Variants in PPM1L observed in about 807,000 individuals in gnomAD.
PPM1L encodes protein phosphatase, Mg2+/Mn2+ dependent 1L.
PPM1L carries 13 observed loss-of-function variants against 31.4 expected under a neutral mutation model. The observed-to-expected ratio is 0.41, with a 90% CI of 0.27 to 0.66. The LOEUF (loss-of-function observed/expected upper bound fraction) is 0.66. Ranked by LOEUF, PPM1L falls within the 30% of genes least tolerant of loss-of-function variation. The pLI is 0.29. For synonymous variants in PPM1L, 184 were observed against 175.4 expected (o/e 1.05, Z -0.39); for missense variants, 326 against 453.7 (o/e 0.72, Z 2.56).
At chr3:160,777,618 C>T (rs1234111658) in intron 1 of PPM1L, among the ~76,000 whole-genome samples, 1 of 152,046 alleles carries the variant, frequency 6.6e-6, no homozygotes, top group African/African-American at 2.4e-5. Context: ...CAGTATGTGT[C>T]TTTTTTGTGA....
intron 1 of PPM1L, among the ~76,000 whole-genome samples, chr3:160,780,747 A>G (rs1469695033): frequency 6.6e-6 from 1 of 152,172 alleles, no homozygotes; most frequent in Non-Finnish European, 1.5e-5. Context: ...TTTAGACTCA[A>G]TAGTTTATGG....
At chr3:161,009,554 C>A (rs1419712011) in intron 2 of PPM1L, among the ~76,000 whole-genome samples, 1 of 152,158 alleles carries the variant, frequency 6.6e-6, no homozygotes, top group African/African-American at 2.4e-5. Flanking sequence ...CATTACTCAT[C>A]CTCAGCAATC....
intron 1 of PPM1L, among the ~76,000 whole-genome samples, chr3:160,793,889 TC>T (rs1279554358): frequency 3.9e-5 from 6 of 152,198 alleles, no homozygotes; most frequent in Admixed American, 3.9e-4. Flanking sequence ...GACAACTGAA[TC>T]CTGATTGGTT....
At chr3:160,816,122 G>A (rs1261132562) in intron 1 of PPM1L, among the ~76,000 whole-genome samples, 1 of 152,144 alleles carries the variant, frequency 6.6e-6, no homozygotes, top group Non-Finnish European at 1.5e-5. Context: ...GACAAAGGAA[G>A]GGAGAAGTTT....
At position 160,918,743 on chromosome 3, in the gene PPM1L, G is replaced by C. The variant is rs545860019; in HGVS notation, c.400-42993G>C. On this transcript the variant is annotated intron_variant, in intron 1 of 3. Transcript: ENST00000498165. ...GTTCACCAGTGATTTGGCTGAAAGA[G>C]AACAATCAGAAGCATGTTGTTTCAT... Among the ~76,000 whole-genome samples, 6 of 152,034 alleles carry C rather than the reference G, an allele frequency of 3.9e-5. No homozygotes were observed. In the East Asian group the frequency reaches 9.7e-4, roughly 24 times the overall value.
intron 1 of PPM1L, among the ~76,000 whole-genome samples, chr3:160,781,291 T>TA (rs1345705010): frequency 6.6e-6 from 1 of 152,206 alleles, no homozygotes; most frequent in East Asian, 1.9e-4. Flanking sequence ...ATGGCCTTAT[T>TA]ATATGCTTTT....
chr3:160,961,621 T>A, intron 1 of PPM1L, 115 bp from the exon 2 acceptor site: 1 of 748,278 alleles, frequency 1.3e-6, no homozygotes, highest in Non-Finnish European at 2.0e-6. Flanking sequence ...CATGCTTGTC[T>A]GGAGGGTTGG....
At chr3:160,948,701 A>G (rs1194839933) in intron 1 of PPM1L, among the ~76,000 whole-genome samples, 1 of 152,098 alleles carries the variant, frequency 6.6e-6, no homozygotes, top group African/African-American at 2.4e-5. Flanking sequence ...CAGACTAGCA[A>G]TTTTGTATGA....
intron 1 of PPM1L, among the ~76,000 whole-genome samples, chr3:160,947,964 T>A (rs549688730): frequency 6.6e-6 from 1 of 152,304 alleles, no homozygotes; most frequent in East Asian, 1.9e-4. Context: ...CCCAAAATTC[T>A]AATCGCACCA....
At chr3:160,768,471 A>G (rs1715167230) in intron 1 of PPM1L, among the ~76,000 whole-genome samples, 1 of 152,098 alleles carries the variant, frequency 6.6e-6, no homozygotes, top group Non-Finnish European at 1.5e-5. Flanking sequence ...GATATTAATA[A>G]TTTTTTCTCT....
intron 1 of PPM1L, among the ~76,000 whole-genome samples, chr3:160,836,344 A>AAG (rs973804151): frequency 6.2e-5 from 9 of 145,654 alleles, no homozygotes; most frequent in Non-Finnish European, 1.2e-4. Flanking sequence ...GAGAGAGAGA[A>AAG]AGAGAGAGAG....
At chr3:161,025,390 T>A (rs1718349909) in intron 2 of PPM1L, among the ~76,000 whole-genome samples, 1 of 151,714 alleles carries the variant, frequency 6.6e-6, no homozygotes, top group Admixed American at 6.6e-5. Context: ...ATAGTAAGAA[T>A]CCACTTCTAA....
intron 2 of PPM1L, among the ~76,000 whole-genome samples, chr3:161,002,371 T>A (rs1318643258): frequency 6.6e-6 from 1 of 152,188 alleles, no homozygotes; most frequent in African/African-American, 2.4e-5. Flanking sequence ...GATGGCTGGG[T>A]CAAATGGTAT....
At chr3:160,851,705 G>A (rs1349482748) in intron 1 of PPM1L, among the ~76,000 whole-genome samples, 3 of 152,078 alleles carry the variant, frequency 2.0e-5, no homozygotes, top group African/African-American at 7.2e-5. Context: ...CACTTAGTAG[G>A]GGCATTAGTT....
intron 1 of PPM1L, among the ~76,000 whole-genome samples, chr3:160,873,058 G>A (rs1397325189): frequency 2.0e-5 from 3 of 152,212 alleles, no homozygotes; most frequent in Non-Finnish European, 4.4e-5. Context: ...TGTAGGTAAT[G>A]TTAAAGATGA....
intron 2 of PPM1L, among the ~76,000 whole-genome samples, chr3:161,001,971 A>G (rs982016840): frequency 6.0e-5 from 9 of 151,232 alleles, no homozygotes; most frequent in East Asian, 2.0e-4. Context: ...ATATCTCCCA[A>G]TGCTATCCCT....
chr3:160,780,339 A>C (rs1439624965), intron 1 of PPM1L, among the ~76,000 whole-genome samples: 1 of 152,254 alleles, frequency 6.6e-6, no homozygotes. Flanking sequence ...ACAAAATTTC[A>C]TCAGCCCCTG....
At chr3:160,765,444 G>T (rs559079861) in intron 1 of PPM1L, among the ~76,000 whole-genome samples, 1 of 152,294 alleles carries the variant, frequency 6.6e-6, no homozygotes, top group South Asian at 2.1e-4. Flanking sequence ...GTGACAGGTG[G>T]TGGTGTTTTT....
intron 1 of PPM1L, among the ~76,000 whole-genome samples, chr3:160,766,950 T>C (rs1715117365): frequency 6.8e-6 from 1 of 147,682 alleles, no homozygotes; most frequent in East Asian, 1.9e-4. Context: ...GAAGGCAAGT[T>C]TGGGGCCATT....
Sources: gnomAD v4.1 joint callset for allele counts (sites outside exome capture counted in the v4.1 genomes callset) on GRCh38, gnomAD v4.1.1 for gene constraint, MANE v1.5 for transcripts, NCBI Gene and HGNC (gene_info 2026-07-23, HGNC 2026-07-21) for gene names.